USH2A: variants seen among roughly 807,000 people sequenced by gnomAD.
USH2A encodes the protein Usher syndrome 2A (autosomal recessive, mild).
USH2A carries 443 observed loss-of-function variants against 538.9 expected under a neutral mutation model. The ratio of observed to expected loss-of-function variants is 0.82; its 90% CI spans 0.76 to 0.89. The LOEUF (loss-of-function observed/expected upper bound fraction) is 0.89, where lower values mean the gene tolerates loss of function less well. Ranked by LOEUF, USH2A falls within the 40% of genes least tolerant of loss-of-function variation. The pLI is 0.00. For missense variants in USH2A, 6,633 were observed against 6,324.8 expected (o/e 1.05, Z -1.65); for synonymous variants, 2,413 against 2,273.5 (o/e 1.06, Z -1.75).
chr1:216,035,263 G>A (rs550281487), intron 32 of USH2A, among the ~76,000 whole-genome samples: 30 of 152,226 alleles, frequency 2.0e-4, no homozygotes, highest in African/African-American at 6.5e-4. Context: ...AGCTCAACAA[G>A]GTGGGCCCAA....
intron 59 of USH2A, among the ~76,000 whole-genome samples, chr1:215,741,815 A>G (rs1454075704): frequency 6.6e-6 from 1 of 152,166 alleles, no homozygotes. Flanking sequence ...GTCTGAACTC[A>G]AGTTTCTCTA....
chr1:216,251,442 CTTTT>C (rs779947689), intron 11 of USH2A, among the ~76,000 whole-genome samples: 4 of 80,338 alleles, frequency 5.0e-5, no homozygotes, highest in Non-Finnish European at 9.2e-5. Context: ...ACCACTTCCC[CTTTT>C]TTTTTTTTTT....
chr1:215,706,655 T>C (rs1571973757), intron 61 of USH2A, among the ~76,000 whole-genome samples: 1 of 152,186 alleles, frequency 6.6e-6, no homozygotes, highest in East Asian at 1.9e-4. Context: ...GGATATTGAG[T>C]TGTTGCTTTG....
intron 37 of USH2A, among the ~76,000 whole-genome samples, chr1:215,948,333 A>G (rs1209657288): frequency 1.3e-5 from 2 of 151,732 alleles, no homozygotes. Flanking sequence ...CAGCAACCAT[A>G]AAGAGAAAAG....
At chr1:215,761,221 T>G (rs2102743615) in intron 56 of USH2A, among the ~76,000 whole-genome samples, 1 of 152,322 alleles carries the variant, frequency 6.6e-6, no homozygotes, top group Admixed American at 6.5e-5. Flanking sequence ...GAATTGTTCT[T>G]ATATGTAGAA....
rs141786572 is a variant in USH2A, at chr1:215,878,228, T to C, written c.8559-348A>G. ...TATCAAGTTAATGGTTTCCTATGAC[T>C]ATCAATACTTTATAAACGATGATAA... On this transcript the variant is annotated intron_variant, in intron 42 of 71. Transcript: ENST00000307340. Among the ~76,000 whole-genome samples the C allele has an allele frequency of 2.0e-3, 306 of 152,296 alleles. 1 individual carries two copies. Among genetic ancestry groups the C allele is most frequent in the Non-Finnish European group, 2.0e-3 (134 of 68,018 alleles).
chr1:215,901,359 C>G (rs1338665750), intron 38 of USH2A: 1 of 181,394 alleles, frequency 5.5e-6, no homozygotes, highest in Non-Finnish European at 1.2e-5. Flanking sequence ...CAATGGCTTT[C>G]TTTTCCTTTC....
intron 50 of USH2A, 44 bp from the exon 51 acceptor site, chr1:215,790,326 G>A: frequency 6.2e-7 from 1 of 1,602,824 alleles, no homozygotes; most frequent in African/African-American, 1.3e-5. Flanking sequence ...ATAGAAAAAG[G>A]GAAGAAAACT....
chr1:216,265,990 G>A (rs926151229), intron 11 of USH2A, among the ~76,000 whole-genome samples: 3 of 152,038 alleles, frequency 2.0e-5, no homozygotes, highest in Admixed American at 2.0e-4. Flanking sequence ...TTATAGTACT[G>A]TATGGTGACT....
At chr1:216,391,407 A>T (rs2039104421) in intron 3 of USH2A, among the ~76,000 whole-genome samples, 1 of 152,210 alleles carries the variant, frequency 6.6e-6, no homozygotes, top group African/African-American at 2.4e-5. Context: ...AGATCTCATC[A>T]CATTACTTTA....
At chr1:216,135,739 T>C (rs984637762) in intron 21 of USH2A, among the ~76,000 whole-genome samples, 1 of 152,082 alleles carries the variant, frequency 6.6e-6, no homozygotes, top group African/African-American at 2.4e-5. Context: ...TGCTCTCTCA[T>C]GAAGATTAAA....
At chr1:216,316,197 A>T (rs548531709) in intron 9 of USH2A, among the ~76,000 whole-genome samples, 41 of 151,566 alleles carry the variant, frequency 2.7e-4, no homozygotes, top group South Asian at 4.2e-4. Context: ...AAATGTAATT[A>T]AAAAAAAAGT....
intron 41 of USH2A, among the ~76,000 whole-genome samples, chr1:215,879,841 C>A (rs922432235): frequency 2.6e-5 from 4 of 152,190 alleles, no homozygotes; most frequent in African/African-American, 9.6e-5. Flanking sequence ...GTAACACACT[C>A]ATGTTCTTAT....
intron 55 of USH2A, among the ~76,000 whole-genome samples, chr1:215,768,098 T>C (rs1482915172): frequency 1.3e-5 from 2 of 152,190 alleles, no homozygotes; most frequent in Non-Finnish European, 2.9e-5. Context: ...TGTCTATTTA[T>C]GCAGATTTCT....
chr1:215,707,200 T>G (rs1659206726), intron 61 of USH2A, among the ~76,000 whole-genome samples: 1 of 152,218 alleles, frequency 6.6e-6, no homozygotes, highest in Admixed American at 6.5e-5. Flanking sequence ...TTGGCTTATC[T>G]TAGCAGAGAG....
chr1:216,083,936 A>T (rs1027480105), intron 25 of USH2A, among the ~76,000 whole-genome samples: 2 of 152,170 alleles, frequency 1.3e-5, no homozygotes, highest in Non-Finnish European at 2.9e-5. Flanking sequence ...AAAACAGAAT[A>T]AAAAATGTGT....
At chr1:216,296,734 A>G (rs1322720653) in intron 9 of USH2A, among the ~76,000 whole-genome samples, 1 of 152,072 alleles carries the variant, frequency 6.6e-6, no homozygotes, top group African/African-American at 2.4e-5. Flanking sequence ...TAAAAGAAGA[A>G]TATGTGGCAA....
At chr1:216,266,684 G>T (rs1381945548) in intron 11 of USH2A, among the ~76,000 whole-genome samples, 1 of 151,994 alleles carries the variant, frequency 6.6e-6, no homozygotes, top group Non-Finnish European at 1.5e-5. Context: ...AGGTCCTTGA[G>T]CATAAATATG....
Position 216,148,590 on chromosome 1 carries a change from T to C in USH2A, c.4627+26662A>G, listed in dbSNP as rs553522628. On this transcript the variant is annotated intron_variant, in intron 21 of 71. Coordinates refer to ENST00000307340, the MANE Select transcript of USH2A (RefSeq NM_206933.4). ...TTAAAGCCTGTTATCACCCGCCTGC[T>C]ACAGCATGGCCTTTTAAAGCCTATA... is the stretch of plus-strand genomic sequence containing the variant. 4.7e-3 allele frequency among the ~76,000 whole-genome samples: 710 copies of C among 152,270 alleles called. 4 individuals are homozygous for C. Among genetic ancestry groups the C allele is most frequent in the African/African-American group, 0.016 (685 of 41,542 alleles).
Sources: gnomAD v4.1 joint callset for allele counts (sites outside exome capture counted in the v4.1 genomes callset) on GRCh38, gnomAD v4.1.1 for gene constraint, MANE v1.5 for transcripts, NCBI Gene and HGNC (gene_info 2026-07-23, HGNC 2026-07-21) for gene names.